The following PCDHGA12 variants were observed in gnomAD, a reference collection of about 807,000 sequenced individuals.
PCDHGA12 encodes protocadherin gamma-A12.
A neutral mutation model predicts 61.1 loss-of-function variants in PCDHGA12; 43 were observed. The observed-to-expected ratio is 0.70, with a 90% CI of 0.55 to 0.91. The LOEUF is 0.91. PCDHGA12 is among the 40% of genes least tolerant of loss of function. PCDHGA12 has a pLI of 0.00. For synonymous variants in PCDHGA12, 520 were observed against 542.9 expected (o/e 0.96, Z 0.59); for missense variants, 1,236 against 1,227.7 (o/e 1.01, Z -0.10).
At chr5:141,465,229 A>G (rs1010075158) in intron 1 of PCDHGA12, among the ~76,000 whole-genome samples, 6 of 152,208 alleles carry the variant, frequency 3.9e-5, no homozygotes, top group Non-Finnish European at 2.9e-5. Flanking sequence ...CATGAGCTCC[A>G]TCAAGTTCAA....
Position 141,476,605 on chromosome 5 carries a change from T to C in PCDHGA12, c.2425-18202T>C, listed in dbSNP as rs1394742940. ...CGCTCGAGAGCGCGCACGATCCCGATGTGGGAAGCAACTCTTTACAAACCT... is the reference window on the plus strand; with the variant it reads ...CGCTCGAGAGCGCGCACGATCCCGACGTGGGAAGCAACTCTTTACAAACCT... On this transcript the variant is annotated intron_variant, in intron 1 of 3. Transcript: ENST00000252085. This position sits in a 1 kb window ranked among gnomAD's most constrained non-coding sequence, Gnocchi z 7.6. 1.9e-6 allele frequency: 3 copies of C among 1,614,066 alleles called. No individual in the cohort carries two copies. In the East Asian group the frequency reaches 6.7e-5, roughly 36 times the overall value.
chr5:141,510,959 G>A lies in PCDHGA12; in HGVS notation c.2585G>A (p.Gly862Glu). 6.2e-7 allele frequency: 1 copy of A among 1,614,110 alleles called. No individual in the cohort carries two copies. Among genetic ancestry groups the A allele is most frequent in the Non-Finnish European group, 8.5e-7 (1 of 1,180,012 alleles). Residue 862 changes from glycine to glutamate, a missense_variant, in exon 4 of 4, where the codon GGG becomes GAG. Coordinates refer to ENST00000252085, the MANE Select transcript of PCDHGA12 (RefSeq NM_003735.3). ...TCTGTCTCTGCAGAAGCTGCTGATG[G>A]GAGCTCCACCCTGGGAGGGGGTGCC... ...ILASASEAADGSSTLGGGAGT... is the reference protein window; with the variant it reads ...ILASASEAADESSTLGGGAGT...
At chr5:141,496,630 T>C (rs2099770022) in intron 2 of PCDHGA12, among the ~76,000 whole-genome samples, 1 of 152,202 alleles carries the variant, frequency 6.6e-6, no homozygotes, top group Non-Finnish European at 1.5e-5. Context: ...TCAAAAGGCT[T>C]GGGCTGCCCT....
rs779065098 is a variant in PCDHGA12, at chr5:141,491,758, C to G, written c.2425-3049C>G. The G allele has an allele frequency of 1.9e-6, 3 of 1,578,788 alleles. No individual in the cohort carries two copies. The highest frequency in any genetic ancestry group is 1.7e-4 in the Middle Eastern group (1 of 5,954). ...TGGGGGCGGCACTGGAGAAGCCGCCCGTCCTCATAAGGGATTGAACTTGCA... is the reference window on the plus strand; with the variant it reads ...TGGGGGCGGCACTGGAGAAGCCGCCGGTCCTCATAAGGGATTGAACTTGCA... On this transcript the variant is annotated intron_variant, in intron 1 of 3. Transcript: ENST00000252085. This position sits in a 1 kb window ranked among gnomAD's most constrained non-coding sequence, Gnocchi z 6.9.
At position 141,432,319 on chromosome 5, in the gene PCDHGA12, C is replaced by A; in HGVS notation, c.1560C>A (p.Phe520Leu). The A allele has an allele frequency of 6.2e-7, 1 of 1,614,264 alleles. No individual in the cohort carries two copies. Among genetic ancestry groups the A allele is most frequent in the South Asian group, 1.1e-5 (1 of 91,088 alleles). Reference protein sequence around the residue: ...DTGVLYALSSFDYEQFRDLQV... With the variant: ...DTGVLYALSSLDYEQFRDLQV... ...GGGTACTGTATGCGCTGAGCTCCTTCGACTACGAGCAGTTCCGAGACTTGC... is the reference window on the plus strand; with the variant it reads ...GGGTACTGTATGCGCTGAGCTCCTTAGACTACGAGCAGTTCCGAGACTTGC... The change falls in exon 1 of 4, where the codon TTC becomes TTA. Residue 520 changes from phenylalanine to leucine, a missense_variant. Transcript: ENST00000252085. The surrounding 1 kb of genome is among the most constrained non-coding windows in gnomAD (Gnocchi z 6.0).
At chr5:141,503,804 G>A (rs2099831736) in intron 2 of PCDHGA12, among the ~76,000 whole-genome samples, 1 of 152,034 alleles carries the variant, frequency 6.6e-6, no homozygotes, top group South Asian at 2.1e-4. Flanking sequence ...TAGGGACGGG[G>A]AATCCCAGAT....
At chr5:141,443,392 T>A (rs151260637) in intron 1 of PCDHGA12, among the ~76,000 whole-genome samples, 1 of 151,662 alleles carries the variant, frequency 6.6e-6, no homozygotes, top group Non-Finnish European at 1.5e-5. Context: ...GGCTGAGGTG[T>A]GAGGATCACC....
rs1591227595 is a variant in PCDHGA12 at position 141,432,858 on chromosome 5, T to C, written c.2099T>C (p.Val700Ala). ...TACCTGGTGGTAGCGGTGGCCGCGG[T>C]CTCCTGCGTCTTCCTGGCCTTCGTC... ...TLYLVVAVAAVSCVFLAFVIL... is the reference protein window; with the variant it reads ...TLYLVVAVAAASCVFLAFVIL... The change falls in exon 1 of 4, where the codon GTC becomes GCC. Residue 700 changes from valine to alanine, a missense_variant. Val to Ala is a moderately conservative substitution (Grantham distance 64). Coordinates refer to ENST00000252085, the MANE Select transcript of PCDHGA12 (RefSeq NM_003735.3). This position sits in a 1 kb window ranked among gnomAD's most constrained non-coding sequence, Gnocchi z 6.0. The C allele has an allele frequency of 1.2e-6, 2 of 1,614,140 alleles. No individual in the cohort carries two copies. Among genetic ancestry groups the C allele is most frequent in the Non-Finnish European group, 8.5e-7 (1 of 1,179,996 alleles).
At position 141,447,140 on chromosome 5, in the gene PCDHGA12, T is replaced by C. The variant is rs770212881; in HGVS notation, c.2424+13957T>C. ...ATGGATTTTTTTGTTTGTTTGTTTT[T>C]TGTTTTTGTTTTTGTTTAAGCGGGG... On this transcript the variant is annotated intron_variant, in intron 1 of 3. Coordinates refer to ENST00000252085, the MANE Select transcript of PCDHGA12 (RefSeq NM_003735.3). Among the ~76,000 whole-genome samples the C allele has an allele frequency of 6.6e-5, 10 of 152,158 alleles. 1 individual carries two copies. Among genetic ancestry groups the C allele is most frequent in the Non-Finnish European group, 1.2e-4 (8 of 68,042 alleles).
In PCDHGA12 at chr5:141,511,281, G is replaced by A; in HGVS notation, c.*108G>A. The A allele has an allele frequency of 2.0e-6, 3 of 1,531,280 alleles. No homozygotes were observed. Among genetic ancestry groups the A allele is most frequent in the Non-Finnish European group, 2.6e-6 (3 of 1,137,132 alleles). 94.9% of individuals were successfully genotyped at this position (1,531,280 alleles called of 1,614,324 possible). ...TTCAGGGCTAACCCCCAGAATACTG[G>A]TAGGGGCCAAGGCCATGCTCCCCTT... On this transcript the variant is annotated 3_prime_UTR_variant, in exon 4 of 4. Transcript: ENST00000252085.
intron 3 of PCDHGA12, among the ~76,000 whole-genome samples, chr5:141,509,962 C>A (rs1186902807): frequency 2.0e-5 from 3 of 152,206 alleles, no homozygotes. Context: ...CGGGTATGGC[C>A]TTGGTCCTTC....
chr5:141,490,688 CTG>C lies in PCDHGA12; in HGVS notation c.2425-4118_2425-4117del. 6.2e-7 allele frequency: 1 copy of C among 1,614,218 alleles called. No homozygotes were observed. On this transcript the variant is annotated intron_variant, in intron 1 of 3. Coordinates refer to ENST00000252085, the MANE Select transcript of PCDHGA12 (RefSeq NM_003735.3). This position sits in a 1 kb window ranked among gnomAD's most constrained non-coding sequence, Gnocchi z 5.4. ...ACTGTGGCTGCCTCAGATCCAGACA[CTG>C]GGGATAATGCCCGCCTCACCTACTC... is the stretch of plus-strand genomic sequence containing the variant.
At chr5:141,510,849 G>C (rs959784028) in intron 3 of PCDHGA12, 98 bp from the exon 4 acceptor site, 10 of 1,596,568 alleles carry the variant, frequency 6.3e-6, no homozygotes, top group Middle Eastern at 1.7e-4. Flanking sequence ...CAAGGCCCAG[G>C]GTGCTGTATA....
intron 1 of PCDHGA12, among the ~76,000 whole-genome samples, chr5:141,433,653 T>C (rs1030084681): frequency 6.6e-6 from 1 of 152,024 alleles, no homozygotes; most frequent in Non-Finnish European, 1.5e-5. Flanking sequence ...CTGACCAACA[T>C]GGAGAAACCC....
intron 1 of PCDHGA12, among the ~76,000 whole-genome samples, chr5:141,488,236 T>A (rs1333427955): frequency 6.6e-6 from 1 of 152,154 alleles, no homozygotes; most frequent in Admixed American, 6.5e-5. Context: ...TTGAACTAGA[T>A]GCGGTAAATT....
rs764843194 is a variant in PCDHGA12 at position 141,490,530 on chromosome 5, T to A, written c.2425-4277T>A. 1.2e-6 allele frequency: 2 copies of A among 1,613,794 alleles called. No individual in the cohort carries two copies. Among genetic ancestry groups the A allele is most frequent in the African/African-American group, 2.7e-5 (2 of 74,846 alleles). ...TCGAGCTGCTGGCCAGCGATGCTGG[T>A]TCACCTTCCCTACACAAACATCTCA... On this transcript the variant is annotated intron_variant, in intron 1 of 3. Coordinates refer to ENST00000252085, the MANE Select transcript of PCDHGA12 (RefSeq NM_003735.3). This position sits in a 1 kb window ranked among gnomAD's most constrained non-coding sequence, Gnocchi z 5.4.
At chr5:141,483,753 G>A (rs1316976446) in intron 1 of PCDHGA12, among the ~76,000 whole-genome samples, 1 of 152,082 alleles carries the variant, frequency 6.6e-6, no homozygotes, top group Non-Finnish European at 1.5e-5. Flanking sequence ...CCTGAGGATC[G>A]AGGCTTGGAA....
Position 141,464,279 on chromosome 5 carries a change from CA to C in PCDHGA12, c.2425-30517del, listed in dbSNP as rs373828487. Among the ~76,000 whole-genome samples, 143 of 137,732 alleles carry C rather than the reference CA, an allele frequency of 1.0e-3. 2 individuals are homozygous for C. The Middle Eastern group carries it at 0.015, about 15-fold the overall frequency. 90.4% of individuals were successfully genotyped at this position (137,732 alleles called of 152,430 possible). A position where few individuals can be genotyped will look rare whatever the true frequency, so the allele number is the denominator to read the frequency against. The stretch of plus-strand genomic sequence containing the variant: ...GACTCCGTCTAAAAAAAAAAAAAAG[CA>C]AAAAAAAAAACTCCATTGTATGTGC... On this transcript the variant is annotated intron_variant, in intron 1 of 3. Transcript: ENST00000252085.
At position 141,486,447 on chromosome 5, in the gene PCDHGA12, T is replaced by A. The variant is rs1452869378; in HGVS notation, c.2425-8360T>A. 6.2e-7 allele frequency: 1 copy of A among 1,614,058 alleles called. No individual in the cohort carries two copies. The highest frequency in any genetic ancestry group is 1.7e-5 in the Admixed American group (1 of 60,012). On this transcript the variant is annotated intron_variant, in intron 1 of 3. Coordinates refer to ENST00000252085, the MANE Select transcript of PCDHGA12 (RefSeq NM_003735.3). This position sits in a 1 kb window ranked among gnomAD's most constrained non-coding sequence, Gnocchi z 5.0. Reference sequence around the variant, plus strand: ...GCCAAATCTAGCTATGACATCATGGTCACTGCTTCTGATGCTGGGAACCCT... The same window carrying A: ...GCCAAATCTAGCTATGACATCATGGACACTGCTTCTGATGCTGGGAACCCT...
Sources: gnomAD v4.1 joint callset for allele counts (sites outside exome capture counted in the v4.1 genomes callset) on GRCh38, gnomAD v4.1.1 for gene constraint, Gnocchi (gnomAD v3.1) non-coding constraint, MANE v1.5 for transcripts, NCBI Gene and HGNC (gene_info 2026-07-23, HGNC 2026-07-21) for gene names.